Variants in ZNF358 observed in about 807,000 individuals in gnomAD.
The protein encoded by ZNF358 is zinc finger protein 358.
In ZNF358, 1 loss-of-function variant was observed where a neutral mutation model predicts 2.1. That is an observed-to-expected ratio of 0.49 (90% CI 0.17 to 2.30). The LOEUF (loss-of-function observed/expected upper bound fraction) is 2.30. ZNF358 is among the 30% of genes most tolerant of loss of function. ZNF358 has a pLI of 0.26. For missense variants in ZNF358, 665 were observed against 806.8 expected (o/e 0.82, Z 2.13); for synonymous variants, 381 against 359.7 (o/e 1.06, Z -0.67).
chr19:7,515,614 G>C (rs2022325457), upstream of ZNF358, among the ~76,000 whole-genome samples: 1 of 152,190 alleles, frequency 6.6e-6, no homozygotes, highest in African/African-American at 2.4e-5. Context: ...AACATGTGTA[G>C]AGTTTTACGA....
chr19:7,518,140 T>G (rs953684342), intron 1 of ZNF358, among the ~76,000 whole-genome samples: 1 of 151,988 alleles, frequency 6.6e-6, no homozygotes, highest in African/African-American at 2.4e-5. Context: ...AGCCATGGAG[T>G]TGGGGACTAG....
intron 1 of ZNF358, among the ~76,000 whole-genome samples, chr19:7,517,487 G>T (rs759299938): frequency 2.8e-4 from 43 of 152,154 alleles, no homozygotes; most frequent in Non-Finnish European, 5.9e-4. Flanking sequence ...TACTTTGGGA[G>T]GCTGAGGTGG....
Position 7,519,397 on chromosome 19 carries a change from C to G in ZNF358, c.155C>G (p.Thr52Ser). 1.2e-6 allele frequency: 2 copies of G among 1,614,156 alleles called. No homozygotes were observed. The highest frequency in any genetic ancestry group is 2.2e-5 in the South Asian group (2 of 91,082). Residue 52 changes from threonine to serine, a missense_variant, in exon 2 of 2, where the codon ACT becomes AGT. Transcript: ENST00000597229. ...DPEPDPEDLN[T>S]VPEDVDPSYE... is the part of the protein sequence containing the mutation. ...GAGCCTGATCCTGAAGACCTCAACA[C>G]TGTCCCGGAAGACGTGGACCCCAGC...
intron 1 of ZNF358, 141 bp from the exon 2 acceptor site, chr19:7,519,064 C>CAAAAA (rs397859220): frequency 1.7e-4 from 96 of 577,456 alleles, no homozygotes; most frequent in South Asian, 3.2e-4. Flanking sequence ...GACCCCATCT[C>CAAAAA]AAAAAAAAAA....
upstream of ZNF358, among the ~76,000 whole-genome samples, chr19:7,515,598 A>G (rs1225152602): frequency 6.6e-6 from 1 of 152,228 alleles, no homozygotes; most frequent in African/African-American, 2.4e-5. Context: ...GCAAGTCTCC[A>G]AGAACAACAT....
rs1442873525 is a variant in ZNF358, at chr19:7,520,938, C to T, written c.1696C>T (p.Pro566Ser). 4 of 1,613,022 alleles carry T rather than the reference C, an allele frequency of 2.5e-6. No homozygotes were observed. Among genetic ancestry groups the T allele is most frequent in the East Asian group, 2.2e-5 (1 of 44,872 alleles). Residue 566 changes from proline to serine, a missense_variant, in exon 2 of 2, where the codon CCT becomes TCT. By Grantham distance (74) the Pro-to-Ser change is moderately conservative. This residue lies in a region of ZNF358 where 249 missense variants were observed against 227.6 expected (regional missense o/e 1.09). Coordinates refer to ENST00000597229, the MANE Select transcript of ZNF358 (RefSeq NM_018083.5). This position sits in a 1 kb window ranked among gnomAD's most constrained non-coding sequence, Gnocchi z 6.0. Reference protein sequence around the residue: ...WVQEQGALLGPDG With the variant: ...WVQEQGALLGSDG ...ACAGGAGCAAGGGGCACTGCTGGGG[C>T]CTGATGGCTGAAGGAGACGCCGGCA... is the stretch of plus-strand genomic sequence containing the variant.
In ZNF358 at chr19:7,516,674, G is replaced by A. The variant is rs529430125; in HGVS notation, c.-39+425G>A. Among the ~76,000 whole-genome samples the A allele has an allele frequency of 6.6e-6, 1 of 152,088 alleles. No homozygotes were observed. The highest frequency in any genetic ancestry group is 6.5e-5 in the Admixed American group (1 of 15,302). On this transcript the variant is annotated intron_variant, in intron 1 of 1. Transcript: ENST00000597229. The surrounding 1 kb of genome is among the most constrained non-coding windows in gnomAD (Gnocchi z 5.9). Reference sequence around the variant, plus strand: ...CCTGTCCTCAAAAGGGGGACCTAGGGGTTCCCTCTTCCCCCAGGACCCTAG... The same window carrying A: ...CCTGTCCTCAAAAGGGGGACCTAGGAGTTCCCTCTTCCCCCAGGACCCTAG...
At position 7,519,260 on chromosome 19, in the gene ZNF358, G is replaced by T; in HGVS notation, c.18G>T (p.Leu6=). Residue 6 remains leucine (L), a synonymous_variant, in exon 2 of 2, where the codon CTG becomes CTT. Coordinates refer to ENST00000597229, the MANE Select transcript of ZNF358 (RefSeq NM_018083.5). ...CGCCTGAAATGCGGCGCTCAGTCCT[G>T]GTCAGGAACCCAGGCCACAAAGGCC... MRRSV[L]VRNPGHKGLR... is the part of the protein sequence containing the mutation. 6.2e-7 allele frequency: 1 copy of T among 1,613,836 alleles called. No individual in the cohort carries two copies. Among genetic ancestry groups the T allele is most frequent in the Non-Finnish European group, 8.5e-7 (1 of 1,179,972 alleles).
In ZNF358 at chr19:7,520,446, G is replaced by C. The variant is rs781741382; in HGVS notation, c.1204G>C (p.Ala402Pro). The change falls in exon 2 of 2, where the codon GCT becomes CCT. Residue 402 changes from alanine to proline, a missense_variant. By Grantham distance (27) the Ala-to-Pro change is conservative. Around this residue, in one of 3 missense-constraint regions of ZNF358, gnomAD observed 249 missense variants for 227.6 expected, o/e 1.09. Coordinates refer to ENST00000597229, the MANE Select transcript of ZNF358 (RefSeq NM_018083.5). The surrounding 1 kb of genome is among the most constrained non-coding windows in gnomAD (Gnocchi z 6.0). ...KHKRVHEGAA[A>P]AAAAAAAAAA... The stretch of plus-strand genomic sequence containing the variant: ...CAAACGGGTGCATGAGGGTGCAGCC[G>C]CTGCTGCAGCTGCCGCGGCCGCTGC... 8 of 1,544,964 alleles carry C rather than the reference G, an allele frequency of 5.2e-6. No individual in the cohort carries two copies. The highest frequency in any genetic ancestry group is 6.9e-6 in the Non-Finnish European group (8 of 1,155,106).
chr19:7,518,599 G>GAAAGAA (rs1239214321), intron 1 of ZNF358, among the ~76,000 whole-genome samples: 32 of 95,078 alleles, frequency 3.4e-4, no homozygotes, highest in African/African-American at 8.6e-4. Context: ...AAGAAAGAAA[G>GAAAGAA]AATTGAAGTT....
At position 7,520,124 on chromosome 19, in the gene ZNF358, G is replaced by T. The variant is rs779241777; in HGVS notation, c.882G>T (p.Pro294=). Residue 294 remains proline, a synonymous_variant, in exon 2 of 2, where the codon CCG becomes CCT. Coordinates refer to ENST00000597229, the MANE Select transcript of ZNF358 (RefSeq NM_018083.5). This position sits in a 1 kb window ranked among gnomAD's most constrained non-coding sequence, Gnocchi z 6.0. Reference sequence around the variant, plus strand: ...CGGGCGAGCGGCCCTACCCGTGTCCGCAGTGCGGCAAGGCCTTCGGGCAGA... The same window carrying T: ...CGGGCGAGCGGCCCTACCCGTGTCCTCAGTGCGGCAAGGCCTTCGGGCAGA... ...THTGERPYPC[P]QCGKAFGQSS... The T allele has an allele frequency of 6.3e-6, 10 of 1,597,322 alleles. 1 individual carries two copies. In the Middle Eastern group the frequency reaches 1.2e-3, roughly 184 times the overall value.
chr19:7,515,818 TAGAG>T (rs1040938108), upstream of ZNF358, among the ~76,000 whole-genome samples: 64 of 148,944 alleles, frequency 4.3e-4, no homozygotes, highest in African/African-American at 1.4e-3. Context: ...TGAACAGAGA[TAGAG>T]AGATAGGGAC....
At position 7,520,606 on chromosome 19, in the gene ZNF358, G is replaced by T. The variant is rs188940050; in HGVS notation, c.1364G>T (p.Gly455Val). The change falls in exon 2 of 2, where the codon GGC becomes GTC. Residue 455 changes from glycine to valine, a missense_variant. Gly to Val is a moderately radical substitution (Grantham distance 109). Transcript: ENST00000597229. The surrounding 1 kb of genome is among the most constrained non-coding windows in gnomAD (Gnocchi z 6.0). The part of the protein sequence containing the change: ...VLGSGLGLSP[G>V]TSSGRNPDPG... ...GGCTCTGGCTTGGGCCTCAGCCCTGGCACCAGCTCTGGCCGCAACCCTGAC... is the reference window on the plus strand; with the variant it reads ...GGCTCTGGCTTGGGCCTCAGCCCTGTCACCAGCTCTGGCCGCAACCCTGAC... 6.9e-7 allele frequency: 1 copy of T among 1,457,510 alleles called. No individual in the cohort carries two copies. Among genetic ancestry groups the T allele is most frequent in the South Asian group, 1.2e-5 (1 of 82,934 alleles). The allele number at this position is 1,457,510 out of a possible 1,614,324, so 90.3% of individuals were successfully genotyped here. A position where few individuals can be genotyped will look rare whatever the true frequency, so the allele number is the denominator to read the frequency against.
intron 1 of ZNF358, 115 bp from the exon 2 acceptor site, chr19:7,519,090 A>AAAT: frequency 9.2e-7 from 1 of 1,089,722 alleles, no homozygotes. Flanking sequence ...AAAAAAAAGA[A>AAAT]GTGGGTTCTG....
At chr19:7,515,055 TGTC>T (rs1358310358), upstream of ZNF358, among the ~76,000 whole-genome samples, 1 of 152,146 alleles carries the variant, frequency 6.6e-6, no homozygotes, top group Non-Finnish European at 1.5e-5. Context: ...GGGTTGGAAT[TGTC>T]GTCGGTAAGA....
chr19:7,519,760 ACAG>A lies in ZNF358; in HGVS notation c.520_522del (p.Ser174del). ...GGGCTGAGCCAGCATCGCCGCACGC[ACAG>A]CGGCGAGAAGCCGTACCGCTGCCCC... On this transcript the variant is annotated inframe_deletion, in exon 2 of 2. Transcript: ENST00000597229. The A allele has an allele frequency of 6.5e-7, 1 of 1,528,138 alleles. No homozygotes were observed. Among genetic ancestry groups the A allele is most frequent in the Non-Finnish European group, 8.7e-7 (1 of 1,144,206 alleles). The allele number at this position is 1,528,138 out of a possible 1,614,324, so 94.7% of individuals were successfully genotyped here.
At position 7,519,975 on chromosome 19, in the gene ZNF358, G is replaced by A; in HGVS notation, c.733G>A (p.Gly245Arg). Reference protein sequence around the residue: ...HHCPVCGKAFGHGSLLAQHLR... With the variant: ...HHCPVCGKAFRHGSLLAQHLR... ...CTGCCCGGTGTGTGGCAAGGCCTTC[G>A]GGCACGGCTCGCTCCTGGCACAGCA... The change falls in exon 2 of 2, where the codon GGG becomes AGG. Residue 245 changes from glycine (G) to arginine (R), a missense_variant. Physicochemically the swap from Gly to Arg is moderately radical, Grantham distance 125 (BLOSUM62 -2). Transcript: ENST00000597229. 1 of 1,519,796 alleles carries A rather than the reference G, an allele frequency of 6.6e-7. No individual in the cohort carries two copies. The highest frequency in any genetic ancestry group is 8.8e-7 in the Non-Finnish European group (1 of 1,138,852). 94.1% of individuals were successfully genotyped at this position (1,519,796 alleles called of 1,614,324 possible). A position where few individuals can be genotyped will look rare whatever the true frequency, so the allele number is the denominator to read the frequency against.
In ZNF358 at chr19:7,519,353, C is replaced by T. The variant is rs192434630; in HGVS notation, c.111C>T (p.Asp37=). 1.6e-3 allele frequency: 2,631 copies of T among 1,613,576 alleles called. 16 individuals carry two copies. The highest frequency in any genetic ancestry group is 0.011 in the South Asian group (992 of 91,066). The change falls in exon 2 of 2, where the codon GAC becomes GAT. Residue 37 remains aspartate, a synonymous_variant. Coordinates refer to ENST00000597229, the MANE Select transcript of ZNF358 (RefSeq NM_018083.5). ...EDLDPNPEDL[D]PVSEDPEPDP... ...TAGACCCCAATCCTGAAGATCTGGA[C>T]CCGGTTTCTGAAGACCCAGAGCCTG...
rs775513789 is a variant in ZNF358 at position 7,519,492 on chromosome 19, G to A, written c.250G>A (p.Asp84Asn). Residue 84 changes from aspartate to asparagine, a missense_variant, in exon 2 of 2, where the codon GAT (aspartate) becomes AAT (asparagine). Transcript: ENST00000597229. ...CGAAGCTCCGGGCTCGGAACCCCAA[G>A]ATCCCGACCCCATGTCTTCGAGTTT... ...DAEAPGSEPQ[D>N]PDPMSSSFDL... is the part of the protein sequence containing the mutation. The A allele has an allele frequency of 1.1e-5, 18 of 1,613,398 alleles. No homozygotes were observed. The highest frequency in any genetic ancestry group is 1.4e-5 in the Non-Finnish European group (16 of 1,180,014).
Sources: allele counts gnomAD v4.1 joint callset (sites outside exome capture counted in the v4.1 genomes callset), GRCh38; gene constraint gnomAD v4.1.1; regional missense constraint gnomAD v4.1.1; non-coding constraint Gnocchi (gnomAD v3.1); transcripts MANE v1.5; gene names NCBI Gene and HGNC (gene_info 2026-07-23, HGNC 2026-07-21).